HS1BP3: variants seen among roughly 807,000 people sequenced by gnomAD.
The protein encoded by HS1BP3 is HCLS1-binding protein 3.
Under a neutral mutation model 33.5 loss-of-function variants are expected in HS1BP3, and 32 were observed. The observed-to-expected ratio is 0.95, with a 90% CI of 0.72 to 1.28. The LOEUF is 1.28. Among genes scored for constraint, HS1BP3 ranks in the 50% most tolerant of loss-of-function variants. The pLI, the probability that HS1BP3 is intolerant of heterozygous loss-of-function variation, is 0.00. For synonymous variants in HS1BP3, 187 were observed against 209.2 expected (o/e 0.89, Z 0.92); for missense variants, 486 against 502.3 (o/e 0.97, Z 0.31).
At chr2:20,564,395 C>T (rs114348669) in intron 5 of HS1BP3, among the ~76,000 whole-genome samples, 1 of 152,372 alleles carries the variant, frequency 6.6e-6, no homozygotes, top group Non-Finnish European at 1.5e-5. Flanking sequence ...TGCTGGTGAC[C>T]AGCCAGTTCC....
intron 2 of HS1BP3, among the ~76,000 whole-genome samples, chr2:20,598,628 G>T (rs936948520): frequency 6.3e-4 from 78 of 123,188 alleles, no homozygotes; most frequent in African/African-American, 2.3e-3. Context: ...GCGGGATCTC[G>T]GCTCACTGCA....
chr2:20,620,533 G>C lies in HS1BP3; in HGVS notation c.921-1288C>G, dbSNP rs146271863. Among the ~76,000 whole-genome samples the C allele has an allele frequency of 4.5e-3, 684 of 152,302 alleles. 1 individual carries two copies. The highest frequency in any genetic ancestry group is 0.015 in the African/African-American group (632 of 41,562). On this transcript the variant is annotated intron_variant, in intron 6 of 6. Transcript: ENST00000304031. The stretch of plus-strand genomic sequence containing the variant: ...CTTCGGCTTCCTCATCTACAAGCAG[G>C]AGTAACAGTGTCACTGGCACTGCTG...
At chr2:20,605,164 C>T (rs1006098212) in intron 2 of HS1BP3, among the ~76,000 whole-genome samples, 1 of 152,310 alleles carries the variant, frequency 6.6e-6, no homozygotes, top group East Asian at 1.9e-4. Context: ...TCTTATTATT[C>T]ACAGGAAGTG....
At chr2:20,575,158 G>A (rs1158907857) in intron 5 of HS1BP3, among the ~76,000 whole-genome samples, 2 of 152,200 alleles carry the variant, frequency 1.3e-5, no homozygotes, top group Non-Finnish European at 2.9e-5. Context: ...GGATTTCTCT[G>A]GAACTTTTGG....
At chr2:20,616,944 G>A (rs371163956), downstream of HS1BP3, among the ~76,000 whole-genome samples, 64 of 152,240 alleles carry the variant, frequency 4.2e-4, no homozygotes, top group South Asian at 0.013. Flanking sequence ...AATATCTGGG[G>A]GTCTTTGTGA....
intron 5 of HS1BP3, among the ~76,000 whole-genome samples, chr2:20,582,462 G>A (rs368365964): frequency 9.9e-5 from 15 of 151,854 alleles, no homozygotes; most frequent in African/African-American, 3.4e-4. Context: ...TGAGGGAGGG[G>A]TGGGGGTAGC....
chr2:20,608,691 C>T (rs984325514), intron 2 of HS1BP3, among the ~76,000 whole-genome samples: 2 of 152,004 alleles, frequency 1.3e-5, no homozygotes, highest in African/African-American at 4.8e-5. Context: ...ATTGGCTCAT[C>T]CTCTACTTTC....
rs78901992 is a variant in HS1BP3 at position 20,583,676 on chromosome 2, T to G, written c.303-23161A>C. Among the ~76,000 whole-genome samples the G allele has an allele frequency of 9.2e-3, 1,403 of 152,296 alleles. 25 individuals carry two copies. The highest frequency in any genetic ancestry group is 0.032 in the African/African-American group (1,312 of 41,558). On this transcript the variant is annotated intron_variant, in intron 5 of 5. Coordinates refer to the HS1BP3 transcript ENST00000446825. ...CATCATCTCTCATGGTGGGAGGACCTGGGCTCTCCTCCGTCCCTGTGAGTC... is the reference window on the plus strand; with the variant it reads ...CATCATCTCTCATGGTGGGAGGACCGGGGCTCTCCTCCGTCCCTGTGAGTC...
downstream of HS1BP3, among the ~76,000 whole-genome samples, chr2:20,615,456 C>T (rs1558335159): frequency 6.6e-6 from 1 of 152,158 alleles, no homozygotes; most frequent in African/African-American, 2.4e-5. Context: ...TGGTTTGGAG[C>T]GATCAGAGTT....
intron 5 of HS1BP3, among the ~76,000 whole-genome samples, chr2:20,576,761 T>C (rs1032236174): frequency 6.6e-5 from 10 of 151,924 alleles, no homozygotes; most frequent in Admixed American, 3.9e-4. Context: ...CCTGTCACAC[T>C]GAGTCTACAC....
intron 4 of HS1BP3, 57 bp downstream of exon 4, chr2:20,638,379 C>T (rs1695223032): frequency 6.6e-7 from 1 of 1,509,074 alleles, no homozygotes; most frequent in Admixed American, 1.8e-5. Flanking sequence ...AGGGGGACGT[C>T]ATCTCCAGAA....
chr2:20,622,587 A>C, intron 6 of HS1BP3: 2 of 320,134 alleles, frequency 6.2e-6, no homozygotes, highest in Non-Finnish European at 1.3e-5. Flanking sequence ...GCCTTTGACC[A>C]CCCCACTGTA....
At chr2:20,620,400 C>T (rs542358288) in intron 6 of HS1BP3, among the ~76,000 whole-genome samples, 6 of 152,308 alleles carry the variant, frequency 3.9e-5, no homozygotes, top group Admixed American at 6.5e-5. Context: ...AGTGTCACGG[C>T]GAGGTTTTCC....
At chr2:20,591,016 G>A (rs1256309160), downstream of HS1BP3, 1 of 167,176 alleles carries the variant, frequency 6.0e-6, no homozygotes, top group African/African-American at 2.4e-5. Context: ...GCTGTGGCAG[G>A]AGCGCCGATG....
chr2:20,624,512 T>C (rs1294151046), intron 5 of HS1BP3, among the ~76,000 whole-genome samples: 1 of 152,144 alleles, frequency 6.6e-6, no homozygotes, highest in African/African-American at 2.4e-5. Flanking sequence ...ACATGTGCCC[T>C]AGGCAGGCCC....
At chr2:20,608,617 C>T (rs1694250670) in intron 2 of HS1BP3, among the ~76,000 whole-genome samples, 1 of 151,082 alleles carries the variant, frequency 6.6e-6, no homozygotes, top group Non-Finnish European at 1.5e-5. Context: ...AAACGGGCAT[C>T]CTGTCTTGTT....
At chr2:20,621,229 A>C (rs948122422) in intron 6 of HS1BP3, among the ~76,000 whole-genome samples, 5 of 152,240 alleles carry the variant, frequency 3.3e-5, no homozygotes, top group African/African-American at 1.2e-4. Flanking sequence ...GGAGGTGTCC[A>C]GCACAGCACC....
chr2:20,589,552 G>T (rs376866577), downstream of HS1BP3, among the ~76,000 whole-genome samples: 1 of 152,290 alleles, frequency 6.6e-6, no homozygotes, highest in South Asian at 2.1e-4. Flanking sequence ...CCCCATAAGC[G>T]GCAGCTGGTC....
chr2:20,618,786 C>T lies in HS1BP3; in HGVS notation c.*201G>A. 6 of 1,399,088 alleles carry T rather than the reference C, an allele frequency of 4.3e-6. No homozygotes were observed. The highest frequency in any genetic ancestry group is 5.5e-6 in the Non-Finnish European group (6 of 1,081,960). The allele number at this position is 1,399,088 out of a possible 1,614,324, so 86.7% of individuals were successfully genotyped here. ...GCTCTGGCTCCTAGGGTGAGAGCCG[C>T]TCCCGCAGCCCGCAGGCTTCTACTT... On this transcript the variant is annotated 3_prime_UTR_variant, in exon 7 of 7. Coordinates refer to ENST00000304031, the MANE Select transcript of HS1BP3 (RefSeq NM_022460.4).
Sources: allele counts gnomAD v4.1 joint callset (sites outside exome capture counted in the v4.1 genomes callset), GRCh38; gene constraint gnomAD v4.1.1; transcripts MANE v1.5; gene names NCBI Gene and HGNC (gene_info 2026-07-23, HGNC 2026-07-21).